Variants in BICDL1 observed in about 807,000 individuals in gnomAD.
BICDL1 encodes BICD family-like cargo adapter 1.
Under a neutral mutation model 76.8 loss-of-function variants are expected in BICDL1, and 20 were observed. The observed-to-expected ratio is 0.26, with a 90% CI of 0.18 to 0.38. BICDL1 has a LOEUF of 0.38. BICDL1 is among the 10% of genes least tolerant of loss of function. The pLI is 1.00. For missense variants in BICDL1, 700 were observed against 798.6 expected, an observed-to-expected ratio of 0.88 and a Z score of 1.49; for synonymous variants, 383 against 337.1, an observed-to-expected ratio of 1.14 and a Z score of -1.49.
At chr12:120,053,170 C>T (rs1272488185) in intron 2 of BICDL1, among the ~76,000 whole-genome samples, 1 of 152,086 alleles carries the variant, frequency 6.6e-6, no homozygotes, top group Non-Finnish European at 1.5e-5. Flanking sequence ...ACCTCTGCCT[C>T]CTGGGTTCAA....
At position 120,064,812 on chromosome 12, in the gene BICDL1, G is replaced by A. The variant is rs762011289; in HGVS notation, c.842G>A (p.Gly281Glu). 1.9e-6 allele frequency: 3 copies of A among 1,613,766 alleles called. No individual in the cohort carries two copies. The highest frequency in any genetic ancestry group is 2.5e-6 in the Non-Finnish European group (3 of 1,179,832). ...TTAGAGGAAAATGACCTGCTCCAAG[G>A]GACCGTGGAGGAGCTACAGGACCGG... ...ATLEENDLLQ[G>E]TVEELQDRVL... Residue 281 changes from glycine (G) to glutamate (E), a missense_variant, in exon 4 of 10, where the codon GGG becomes GAG. By Grantham distance (98) the Gly-to-Glu change is moderately conservative. Around this residue, in one of 3 missense-constraint regions of BICDL1, gnomAD observed 455 missense variants for 548.7 expected, o/e 0.83. Coordinates refer to ENST00000548673, the MANE Select transcript of BICDL1 (RefSeq NM_001367886.1).
intron 8 of BICDL1, 86 bp from the exon 9 acceptor site, chr12:120,089,865 A>G (rs538577905): frequency 1.6e-5 from 25 of 1,515,690 alleles, no homozygotes; most frequent in Non-Finnish European, 2.1e-5. Flanking sequence ...CTGTTTCCTC[A>G]TCCTGGGACT....
At chr12:120,054,256 G>A (rs1469628340) in intron 2 of BICDL1, among the ~76,000 whole-genome samples, 1 of 151,882 alleles carries the variant, frequency 6.6e-6, no homozygotes, top group Non-Finnish European at 1.5e-5. Context: ...TGCTTTTTTA[G>A]TAGAGATAGA....
At chr12:120,064,281 G>C (rs532789703) in intron 3 of BICDL1, among the ~76,000 whole-genome samples, 2 of 152,126 alleles carry the variant, frequency 1.3e-5, no homozygotes, top group Non-Finnish European at 2.9e-5. Context: ...GGGGAATCCC[G>C]GGGTGTGAAA....
At chr12:120,057,980 G>A (rs1320725598) in intron 2 of BICDL1, among the ~76,000 whole-genome samples, 2 of 151,832 alleles carry the variant, frequency 1.3e-5, no homozygotes, top group Admixed American at 6.6e-5. Flanking sequence ...ACAGGCGCCC[G>A]CCACCACGCC....
At chr12:120,016,931 C>CTT (rs1383854129) in intron 2 of BICDL1, among the ~76,000 whole-genome samples, 1 of 152,204 alleles carries the variant, frequency 6.6e-6, no homozygotes, top group African/African-American at 2.4e-5. Context: ...CTCGCTCTCT[C>CTT]TCCCAGTCTG....
intron 1 of BICDL1, among the ~76,000 whole-genome samples, chr12:119,994,816 G>A (rs1190267028): frequency 6.6e-6 from 1 of 152,116 alleles, no homozygotes; most frequent in East Asian, 1.9e-4. Flanking sequence ...AATGGTTTTA[G>A]ATTTCCAAAA....
chr12:120,032,871 C>T (rs1171773251), intron 2 of BICDL1, among the ~76,000 whole-genome samples: 2 of 151,704 alleles, frequency 1.3e-5, no homozygotes, highest in East Asian at 1.9e-4. Flanking sequence ...CTCAGCCTCC[C>T]AAGTAGCTGG....
intron 2 of BICDL1, among the ~76,000 whole-genome samples, chr12:120,018,244 G>A (rs1952106580): frequency 6.6e-6 from 1 of 152,174 alleles, no homozygotes; most frequent in South Asian, 2.1e-4. Context: ...GTAATGTGTA[G>A]GCAAAGATGA....
At chr12:119,998,222 T>C (rs1390134956) in intron 1 of BICDL1, among the ~76,000 whole-genome samples, 2 of 152,170 alleles carry the variant, frequency 1.3e-5, no homozygotes. Flanking sequence ...ATTGATTAGA[T>C]GATTGGCAAA....
chr12:120,002,128 C>G (rs1426490350), intron 2 of BICDL1, among the ~76,000 whole-genome samples: 1 of 152,050 alleles, frequency 6.6e-6, no homozygotes, highest in Non-Finnish European at 1.5e-5. Flanking sequence ...AACATGTCAC[C>G]CTCCGCAAAA....
At chr12:120,021,989 TAGTAA>T (rs949620493) in intron 2 of BICDL1, among the ~76,000 whole-genome samples, 35 of 150,132 alleles carry the variant, frequency 2.3e-4, no homozygotes, top group African/African-American at 7.5e-4. Context: ...AAAAATATCA[TAGTAA>T]AGTAAAATAA....
At chr12:120,091,174 A>C in intron 9 of BICDL1, 1 of 1,200,692 alleles carries the variant, frequency 8.3e-7, no homozygotes, top group Non-Finnish European at 1.1e-6. Flanking sequence ...TCCCTCCTCC[A>C]TCACAGTCGC....
chr12:120,023,953 T>G (rs1307039543), intron 2 of BICDL1, among the ~76,000 whole-genome samples: 1 of 152,070 alleles, frequency 6.6e-6, no homozygotes, highest in Non-Finnish European at 1.5e-5. Flanking sequence ...CTTTGTATGT[T>G]TAAAACTTAA....
chr12:120,060,163 C>G (rs549083927), intron 2 of BICDL1, among the ~76,000 whole-genome samples: 1 of 152,208 alleles, frequency 6.6e-6, no homozygotes, highest in East Asian at 1.9e-4. Context: ...ATAGTATGTA[C>G]TCAGTAAATA....
chr12:120,022,955 C>T (rs1952213600), intron 2 of BICDL1, among the ~76,000 whole-genome samples: 1 of 152,174 alleles, frequency 6.6e-6, no homozygotes, highest in African/African-American at 2.4e-5. Context: ...GAGTATTCAT[C>T]AGAGACCAAT....
intron 2 of BICDL1, among the ~76,000 whole-genome samples, chr12:120,039,301 A>T (rs1000318222): frequency 6.7e-6 from 1 of 149,712 alleles, no homozygotes; most frequent in African/African-American, 2.5e-5. Context: ...TGTCTCCAAA[A>T]ACAAAAGAAA....
Position 120,093,946 on chromosome 12 carries a change from G to C in BICDL1, c.*785G>C. The C allele has an allele frequency of 3.1e-6, 1 of 322,818 alleles. No homozygotes were observed. Among genetic ancestry groups the C allele is most frequent in the East Asian group, 8.1e-5 (1 of 12,330 alleles). 20.0% of individuals were successfully genotyped at this position (322,818 alleles called of 1,614,324 possible). A position where few individuals can be genotyped will look rare whatever the true frequency, so the allele number is the denominator to read the frequency against. On this transcript the variant is annotated 3_prime_UTR_variant, in exon 10 of 10. Coordinates refer to ENST00000548673, the MANE Select transcript of BICDL1 (RefSeq NM_001367886.1). ...CTGCTCAGGGCTGGGGTTGGACGGG[G>C]TCTCCTCCTCCCACAGCTCCCTCCT...
intron 2 of BICDL1, 119 bp from the exon 3 acceptor site, chr12:120,061,591 T>C: frequency 1.3e-6 from 1 of 756,732 alleles, no homozygotes; most frequent in South Asian, 1.5e-5. Flanking sequence ...CAGCATCTCA[T>C]CTAGTGCTCC....
Sources: gnomAD v4.1 joint callset for allele counts (sites outside exome capture counted in the v4.1 genomes callset) on GRCh38, gnomAD v4.1.1 for gene constraint, gnomAD v4.1.1 regional missense constraint, MANE v1.5 for transcripts, NCBI Gene and HGNC (gene_info 2026-07-23, HGNC 2026-07-21) for gene names.